Variants in PEAK1 observed in about 807,000 individuals in gnomAD.
PEAK1 encodes the protein pseudopodium enriched atypical kinase 1, also known as inactive tyrosine-protein kinase PEAK1.
Under a neutral mutation model 124.7 loss-of-function variants are expected in PEAK1, and 54 were observed. That is an observed-to-expected ratio of 0.43 (90% CI 0.35 to 0.54). PEAK1 has a LOEUF of 0.54. Among genes scored for constraint, PEAK1 ranks in the 20% least tolerant of loss-of-function variants. PEAK1 has a pLI of 0.01. For synonymous variants in PEAK1, 719 were observed against 760.0 expected (o/e 0.95, Z 0.89); for missense variants, 2,046 against 2,134.5 (o/e 0.96, Z 0.82).
In PEAK1 at chr15:77,180,506, G is replaced by T. The variant is rs1270804933; in HGVS notation, c.1421C>A (p.Pro474Gln). The T allele has an allele frequency of 6.2e-7, 1 of 1,614,066 alleles. No homozygotes were observed. The highest frequency in any genetic ancestry group is 8.5e-7 in the Non-Finnish European group (1 of 1,179,996). The change falls in exon 7 of 10, where the codon CCA (proline) becomes CAA (glutamine). Residue 474 changes from proline (P) to glutamine (Q), a missense_variant. By Grantham distance (76) the Pro-to-Gln change is moderately conservative (BLOSUM62 -1). Transcript: ENST00000682557. ...TGCTGACACATCCACGACAGTATAT[G>T]GCTTGCACAATGGCTGTTCCAGGTT... ...VVNLEQPLCK[P>Q]YTVVDVSAAM...
At chr15:77,294,791 T>G (rs2063399346) in intron 2 of PEAK1, among the ~76,000 whole-genome samples, 1 of 151,320 alleles carries the variant, frequency 6.6e-6, no homozygotes, top group South Asian at 2.1e-4. Flanking sequence ...GTTTTTGAAC[T>G]TGATCTTTTT....
At chr15:77,193,666 C>G (rs1867779) in intron 6 of PEAK1, among the ~76,000 whole-genome samples, 2 of 151,880 alleles carry the variant, frequency 1.3e-5, no homozygotes, top group Non-Finnish European at 2.9e-5. Context: ...TAGCTGTGCA[C>G]AGTGGTGCGC....
chr15:77,239,780 A>G (rs1332074318), intron 6 of PEAK1: 1 of 921,638 alleles, frequency 1.1e-6, no homozygotes, highest in African/African-American at 1.8e-5. Context: ...CATATTACAT[A>G]CCTCCTGGGC....
intron 9 of PEAK1, 120 bp from the exon 10 acceptor site, chr15:77,115,439 G>A (rs1419908220): frequency 2.4e-5 from 21 of 888,522 alleles, no homozygotes; most frequent in Middle Eastern, 2.3e-4. Context: ...AAAGTTGTTC[G>A]CAAGGCTTGC....
At chr15:77,225,700 C>G in intron 6 of PEAK1, among the ~76,000 whole-genome samples, 1 of 52,636 alleles carries the variant, frequency 1.9e-5, no homozygotes, top group East Asian at 3.6e-4. Context: ...ATATATATGA[C>G]AATTCTAGAA....
intron 2 of PEAK1, among the ~76,000 whole-genome samples, chr15:77,332,725 T>C (rs1465128213): frequency 1.3e-5 from 2 of 152,214 alleles, no homozygotes; most frequent in Non-Finnish European, 2.9e-5. Context: ...GCTTTACCAA[T>C]CTGGTAGATT....
chr15:77,217,536 T>C (rs2059202852), intron 6 of PEAK1, among the ~76,000 whole-genome samples: 2 of 152,220 alleles, frequency 1.3e-5, no homozygotes, highest in African/African-American at 4.8e-5. Flanking sequence ...ATTCTTCTCA[T>C]TAAACAAGAG....
At chr15:77,206,843 C>A (rs1363627969) in intron 6 of PEAK1, among the ~76,000 whole-genome samples, 1 of 152,056 alleles carries the variant, frequency 6.6e-6, no homozygotes, top group Non-Finnish European at 1.5e-5. Context: ...TAGATCGCAT[C>A]ACACTACCTG....
chr15:77,368,097 T>A (rs2068378353), intron 1 of PEAK1, among the ~76,000 whole-genome samples: 1 of 152,244 alleles, frequency 6.6e-6, no homozygotes. Flanking sequence ...CTACAGTGTT[T>A]AATATGTAAT....
chr15:77,217,605 G>A (rs1228484716), intron 6 of PEAK1, among the ~76,000 whole-genome samples: 1 of 151,992 alleles, frequency 6.6e-6, no homozygotes, highest in Non-Finnish European at 1.5e-5. Context: ...GGTTCCTTCC[G>A]ACTTCTTTTG....
chr15:77,196,818 T>C (rs909316129), intron 6 of PEAK1, among the ~76,000 whole-genome samples: 8 of 152,110 alleles, frequency 5.3e-5, no homozygotes, highest in Non-Finnish European at 7.3e-5. Flanking sequence ...AAAAACAATA[T>C]ACTTTAACCT....
At chr15:77,296,641 A>G in intron 2 of PEAK1, among the ~76,000 whole-genome samples, 1 of 151,428 alleles carries the variant, frequency 6.6e-6, no homozygotes, top group Non-Finnish European at 1.5e-5. Flanking sequence ...AAAGAAAATA[A>G]ATGACAAATT....
chr15:77,226,892 A>T (rs1267643877), intron 6 of PEAK1, among the ~76,000 whole-genome samples: 1 of 152,200 alleles, frequency 6.6e-6, no homozygotes, highest in African/African-American at 2.4e-5. Flanking sequence ...TGATTTGCTC[A>T]TAGACCTAGG....
intron 6 of PEAK1, among the ~76,000 whole-genome samples, chr15:77,192,970 C>T (rs1051626775): frequency 5.9e-5 from 9 of 152,100 alleles, no homozygotes; most frequent in Non-Finnish European, 1.0e-4. Flanking sequence ...AAGGTGTATA[C>T]GCACAGACAC....
At chr15:77,249,186 A>G (rs543295835) in intron 6 of PEAK1, among the ~76,000 whole-genome samples, 3 of 152,122 alleles carry the variant, frequency 2.0e-5, no homozygotes, top group East Asian at 3.9e-4. Context: ...CTATAAAAGG[A>G]AAGTTTTCCT....
intron 2 of PEAK1, among the ~76,000 whole-genome samples, chr15:77,339,927 A>G (rs2066429245): frequency 6.6e-6 from 1 of 152,244 alleles, no homozygotes; most frequent in Non-Finnish European, 1.5e-5. Flanking sequence ...GGAACTGCAA[A>G]TTAAAACAAT....
chr15:77,314,130 G>T (rs1223554766), intron 2 of PEAK1, among the ~76,000 whole-genome samples: 1 of 151,878 alleles, frequency 6.6e-6, no homozygotes, highest in East Asian at 1.9e-4. Context: ...ATTTTTCTGT[G>T]ACCATCAATT....
At chr15:77,304,442 ATTTTT>A (rs71145812) in intron 2 of PEAK1, among the ~76,000 whole-genome samples, 6 of 86,490 alleles carry the variant, frequency 6.9e-5, no homozygotes, top group African/African-American at 2.4e-4. Flanking sequence ...TCCTGTATAC[ATTTTT>A]TTTTTTTTTT....
At chr15:77,130,860 G>C (rs2052796431) in intron 9 of PEAK1, among the ~76,000 whole-genome samples, 1 of 152,234 alleles carries the variant, frequency 6.6e-6, no homozygotes, top group Non-Finnish European at 1.5e-5. Context: ...GAAGAAGCTA[G>C]TGGCTAGTTA....
Sources: gnomAD v4.1 joint callset for allele counts (sites outside exome capture counted in the v4.1 genomes callset) on GRCh38, gnomAD v4.1.1 for gene constraint, MANE v1.5 for transcripts, NCBI Gene and HGNC (gene_info 2026-07-23, HGNC 2026-07-21) for gene names.